CCDC178: variants seen among roughly 807,000 people sequenced by gnomAD.
CCDC178 encodes the protein coiled-coil domain-containing protein 178.
CCDC178 carries 126 observed loss-of-function variants against 117.4 expected under a neutral mutation model. The observed-to-expected ratio is 1.07, with a 90% CI of 0.93 to 1.24. CCDC178 has a LOEUF of 1.24. CCDC178 is among the 50% of genes most tolerant of loss of function. CCDC178 has a pLI of 0.00. For missense variants in CCDC178, 1,030 were observed against 986.9 expected (o/e 1.04, Z -0.59); for synonymous variants, 283 against 313.4 (o/e 0.90, Z 1.02).
intron 22 of CCDC178, 37 bp downstream of exon 22, chr18:32,974,510 T>C (rs1430770623): frequency 1.3e-6 from 2 of 1,599,690 alleles, no homozygotes; most frequent in African/African-American, 2.7e-5. Flanking sequence ...TCAATCTAGA[T>C]CAGAATGATC....
chr18:32,957,035 C>T (rs1464779153), intron 22 of CCDC178, among the ~76,000 whole-genome samples: 4 of 152,110 alleles, frequency 2.6e-5, no homozygotes, highest in African/African-American at 9.7e-5. Context: ...GTAAAGATAA[C>T]ATTTCATAAT....
chr18:33,429,152 G>A (rs1206373023), intron 2 of CCDC178, among the ~76,000 whole-genome samples: 4 of 152,114 alleles, frequency 2.6e-5, no homozygotes, highest in African/African-American at 9.7e-5. Context: ...TATCACTCAT[G>A]TCAGGAAAAG....
chr18:33,399,777 T>G (rs2063685979), intron 3 of CCDC178, among the ~76,000 whole-genome samples: 2 of 152,208 alleles, frequency 1.3e-5, no homozygotes, highest in South Asian at 4.1e-4. Context: ...TGGAAGCAAC[T>G]TCTTCCAAAT....
chr18:33,009,351 C>T lies in CCDC178; in HGVS notation c.2389-34670G>A, dbSNP rs75187731. 9.8e-3 allele frequency among the ~76,000 whole-genome samples: 1,489 copies of T among 152,200 alleles called. 24 individuals carry two copies. Among genetic ancestry groups the T allele is most frequent in the African/African-American group, 0.034 (1,430 of 41,536 alleles). On this transcript the variant is annotated intron_variant, in intron 21 of 22. Transcript: ENST00000383096. ...TTTCCAGCTCACTCTAAGGAAAAGA[C>T]AATGGTCTTTAGGTCTCTAAATAAT...
At chr18:33,337,415 T>C (rs571855889) in intron 9 of CCDC178, among the ~76,000 whole-genome samples, 1 of 152,214 alleles carries the variant, frequency 6.6e-6, no homozygotes, top group African/African-American at 2.4e-5. Flanking sequence ...TCTTGTCTGA[T>C]TGCTCTGGCT....
chr18:33,256,466 T>G (rs72951032), intron 14 of CCDC178, among the ~76,000 whole-genome samples: 8,910 of 152,130 alleles, frequency 0.059, 375 homozygotes, highest in East Asian at 0.13. Context: ...GCTGTCCCTA[T>G]AGAATACATT....
intron 3 of CCDC178, among the ~76,000 whole-genome samples, chr18:33,398,233 A>G (rs959785819): frequency 6.6e-6 from 1 of 152,100 alleles, no homozygotes; most frequent in African/African-American, 2.4e-5. Flanking sequence ...CAATGAAAAG[A>G]AACAGTTTCT....
chr18:33,233,416 A>T (rs2059390360), intron 15 of CCDC178, among the ~76,000 whole-genome samples: 2 of 152,134 alleles, frequency 1.3e-5, no homozygotes. Flanking sequence ...TATGGGAGGT[A>T]AAAGAAGAAA....
At chr18:33,287,849 G>A (rs141835023) in intron 12 of CCDC178, among the ~76,000 whole-genome samples, 10 of 152,086 alleles carry the variant, frequency 6.6e-5, no homozygotes, top group Non-Finnish European at 1.0e-4. Flanking sequence ...GAGGGCCAGC[G>A]TATTCATTTT....
At chr18:33,181,715 A>AAT (rs2058734827) in intron 20 of CCDC178, among the ~76,000 whole-genome samples, 2 of 151,916 alleles carry the variant, frequency 1.3e-5, no homozygotes, top group Admixed American at 1.3e-4. Context: ...CCCATACATT[A>AAT]ATATAGTCTG....
chr18:33,130,759 A>G (rs2058061257), intron 20 of CCDC178, among the ~76,000 whole-genome samples: 2 of 151,950 alleles, frequency 1.3e-5, no homozygotes, highest in African/African-American at 4.8e-5. Flanking sequence ...ACTTCCTCTT[A>G]TCAAGCTTAA....
chr18:33,339,210 A>T (rs74649494), intron 9 of CCDC178, among the ~76,000 whole-genome samples: 12,082 of 152,144 alleles, frequency 0.079, 538 homozygotes, highest in Non-Finnish European at 0.093. Flanking sequence ...AGAGGTTTAA[A>T]TTATTCCCAA....
chr18:32,970,508 G>A (rs1362652439), intron 22 of CCDC178, among the ~76,000 whole-genome samples: 2 of 151,784 alleles, frequency 1.3e-5, no homozygotes, highest in East Asian at 3.9e-4. Context: ...GCACTTAAAG[G>A]AATCGAGATA....
intron 21 of CCDC178, among the ~76,000 whole-genome samples, chr18:33,004,909 A>G (rs1414804572): frequency 6.6e-6 from 1 of 152,138 alleles, no homozygotes; most frequent in Non-Finnish European, 1.5e-5. Context: ...TAAAAGTACA[A>G]TGAGACATCA....
intron 2 of CCDC178, among the ~76,000 whole-genome samples, chr18:33,420,086 G>GT (rs1204333933): frequency 6.6e-6 from 1 of 152,164 alleles, no homozygotes; most frequent in East Asian, 1.9e-4. Flanking sequence ...AACATGGAAT[G>GT]TTTACACCAT....
intron 21 of CCDC178, among the ~76,000 whole-genome samples, chr18:32,988,267 C>T (rs547366559): frequency 6.6e-6 from 1 of 151,878 alleles, no homozygotes; most frequent in South Asian, 2.1e-4. Context: ...GAAACCCCGT[C>T]CCTGTTATAA....
In CCDC178 at chr18:33,267,039, T is replaced by C. The variant is rs2059826079; in HGVS notation, c.1286A>G (p.Asp429Gly). 1 of 1,585,228 alleles carries C rather than the reference T, an allele frequency of 6.3e-7. No homozygotes were observed. Among genetic ancestry groups the C allele is most frequent in the Non-Finnish European group, 8.5e-7 (1 of 1,172,142 alleles). ...NDFYAAKKTW[D>G]IELSDVAKDF... ...TTTTGCAACATCAGAAAGCTCAATA[T>C]CCCATGTTTTTTTCTTTAAGAAAAG... is the stretch of plus-strand genomic sequence containing the variant. The change falls in exon 14 of 23, where the codon GAT (aspartate) becomes GGT (glycine). Residue 429 changes from aspartate to glycine, a missense_variant. Coordinates refer to ENST00000383096, the MANE Select transcript of CCDC178 (RefSeq NM_001105528.4).
At chr18:33,301,825 G>C (rs1030440965) in intron 11 of CCDC178, among the ~76,000 whole-genome samples, 1 of 152,192 alleles carries the variant, frequency 6.6e-6, no homozygotes, top group Non-Finnish European at 1.5e-5. Flanking sequence ...AAGTTGGAAG[G>C]AGATGAGTCT....
intron 21 of CCDC178, among the ~76,000 whole-genome samples, chr18:33,064,955 G>C (rs758610006): frequency 6.6e-6 from 1 of 151,756 alleles, no homozygotes; most frequent in Admixed American, 6.6e-5. Flanking sequence ...TGAACTGGAG[G>C]ACATCACATC....
Sources: gnomAD v4.1 joint callset for allele counts (sites outside exome capture counted in the v4.1 genomes callset) on GRCh38, gnomAD v4.1.1 for gene constraint, MANE v1.5 for transcripts, NCBI Gene and HGNC (gene_info 2026-07-23, HGNC 2026-07-21) for gene names.